ACSS1: variants seen among roughly 807,000 people sequenced by gnomAD.
The protein encoded by ACSS1 is acyl-CoA synthetase short chain family member 1, also known as acetyl-coenzyme A synthetase 2-like, mitochondrial.
Under a neutral mutation model 75.3 loss-of-function variants are expected in ACSS1, and 42 were observed. That is an observed-to-expected ratio of 0.56 (90% CI 0.44 to 0.72). The LOEUF is 0.72. ACSS1 is among the 30% of genes least tolerant of loss of function. The probability of loss-of-function intolerance (pLI) is 0.00; values close to 1 mark genes in which losing one functional copy is unlikely to be tolerated. For missense variants in ACSS1, 782 were observed against 935.7 expected, an observed-to-expected ratio of 0.84 and a Z score of 2.14; for synonymous variants, 380 against 376.8, an observed-to-expected ratio of 1.01 and a Z score of -0.10.
In ACSS1 at chr20:25,007,499, T is replaced by C; in HGVS notation, c.*263A>G. On this transcript the variant is annotated 3_prime_UTR_variant, in exon 14 of 14. Transcript: ENST00000323482. ...CAGAGGAATGGAGATGGCAATGCCT[T>C]TTCATTCCAGGAAACCAAACTCAGA... 7.7e-7 allele frequency: 1 copy of C among 1,306,516 alleles called. No homozygotes were observed. Among genetic ancestry groups the C allele is most frequent in the Non-Finnish European group, 9.8e-7 (1 of 1,025,470 alleles). The allele number at this position is 1,306,516 out of a possible 1,614,324, so 80.9% of individuals were successfully genotyped here. A position where few individuals can be genotyped will look rare whatever the true frequency, so the allele number is the denominator to read the frequency against.
intron 7 of ACSS1, among the ~76,000 whole-genome samples, chr20:25,015,527 C>A (rs947541240): frequency 6.6e-6 from 1 of 152,186 alleles, no homozygotes; most frequent in South Asian, 2.1e-4. Context: ...GAACTCCTGA[C>A]CTCAGGTGAT....
chr20:25,021,624 C>G, intron 5 of ACSS1, 88 bp from the exon 6 acceptor site: 1 of 1,530,168 alleles, frequency 6.5e-7, no homozygotes. Flanking sequence ...CATGCATAGG[C>G]TGCAGTCCAT....
chr20:25,040,498 C>T (rs1401922971), intron 2 of ACSS1, among the ~76,000 whole-genome samples: 1 of 152,250 alleles, frequency 6.6e-6, no homozygotes, highest in Non-Finnish European at 1.5e-5. Context: ...TTCCTTGCCT[C>T]TTGGCAGCAG....
At chr20:25,032,571 G>T in intron 2 of ACSS1, 1 of 1,246,580 alleles carries the variant, frequency 8.0e-7, no homozygotes, top group Non-Finnish European at 1.0e-6. Context: ...TTTCTCTCTG[G>T]GCGGGGCAGA....
rs45574242 is a variant in ACSS1 at position 25,046,951 on chromosome 20, G to A, written c.431+1134C>T. The A allele has an allele frequency of 3.9e-3, 3,068 of 778,714 alleles. 61 individuals are homozygous for A. In the African/African-American group the frequency reaches 0.042, roughly 11 times the overall value. The allele number at this position is 778,714 out of a possible 1,614,324, so 48.2% of individuals were successfully genotyped here. On this transcript the variant is annotated intron_variant, in intron 2 of 13. Coordinates refer to ENST00000323482, the MANE Select transcript of ACSS1 (RefSeq NM_032501.4). ...ACGGGTCAGCAAAGGAGCCCTGGCCGAGGCTGGTGGAGCTGTGATGGGCCT... is the reference window on the plus strand; with the variant it reads ...ACGGGTCAGCAAAGGAGCCCTGGCCAAGGCTGGTGGAGCTGTGATGGGCCT...
chr20:25,032,135 C>G (rs1037068873), intron 2 of ACSS1, among the ~76,000 whole-genome samples: 1 of 152,202 alleles, frequency 6.6e-6, no homozygotes, highest in African/African-American at 2.4e-5. Flanking sequence ...GTGAGCAGCA[C>G]CCCCGCCCAG....
Position 25,020,037 on chromosome 20 carries a change from G to T in ACSS1, c.1219C>A (p.Arg407Ser). 1.9e-6 allele frequency: 3 copies of T among 1,614,194 alleles called. No individual in the cohort carries two copies. Among genetic ancestry groups the T allele is most frequent in the Non-Finnish European group, 2.5e-6 (3 of 1,180,034 alleles). The part of the protein sequence containing the change: ...YGDAWVKKYD[R>S]SSLRTLGSVG... The stretch of plus-strand genomic sequence containing the variant: ...GACCCCAGGGTCCGCAGGGAGGAGC[G>T]ATCATACTTCTTCACCCAGGCATCA... The change falls in exon 7 of 14, where the codon CGC becomes AGC. Residue 407 changes from arginine to serine, a missense_variant. Transcript: ENST00000323482.
chr20:25,020,548 C>A (rs1025450036), intron 6 of ACSS1, among the ~76,000 whole-genome samples: 3 of 152,252 alleles, frequency 2.0e-5, no homozygotes, highest in Non-Finnish European at 2.9e-5. Context: ...GCTGCCACTG[C>A]GTGTGTCCCA....
At chr20:25,015,286 A>G in intron 7 of ACSS1, 56 bp from the exon 8 acceptor site, 4 of 1,463,412 alleles carry the variant, frequency 2.7e-6, no homozygotes, top group Non-Finnish European at 3.8e-6. Flanking sequence ...ACCTGAAACC[A>G]AAGGGAAGTT....
chr20:25,042,494 G>A (rs1019671755), intron 2 of ACSS1, among the ~76,000 whole-genome samples: 1 of 152,108 alleles, frequency 6.6e-6, no homozygotes, highest in Non-Finnish European at 1.5e-5. Flanking sequence ...TGCCTTCCAC[G>A]ACAGCCGCTG....
At chr20:25,017,442 TC>T (rs898628127) in intron 7 of ACSS1, among the ~76,000 whole-genome samples, 4 of 152,258 alleles carry the variant, frequency 2.6e-5, no homozygotes, top group African/African-American at 9.6e-5. Context: ...CCAGCACTGC[TC>T]CGAGGTGCTG....
chr20:25,040,116 T>C (rs1229440093), intron 2 of ACSS1, among the ~76,000 whole-genome samples: 1 of 152,176 alleles, frequency 6.6e-6, no homozygotes, highest in Non-Finnish European at 1.5e-5. Context: ...GGTGTAGGTT[T>C]TAACATTCTG....
intron 2 of ACSS1, among the ~76,000 whole-genome samples, chr20:25,042,857 G>A (rs1373706059): frequency 2.0e-5 from 3 of 152,108 alleles, no homozygotes; most frequent in Non-Finnish European, 4.4e-5. Flanking sequence ...CAGCTGAAAC[G>A]GACCCTCATC....
intron 1 of ACSS1, among the ~76,000 whole-genome samples, chr20:25,051,799 C>G (rs1310603209): frequency 6.6e-6 from 1 of 152,220 alleles, no homozygotes; most frequent in African/African-American, 2.4e-5. Flanking sequence ...CCCTGTCCAG[C>G]CACTCACTAA....
Position 25,013,647 on chromosome 20 carries a change from C to G in ACSS1, c.1468G>C (p.Gly490Arg), listed in dbSNP as rs1339915010. ...CACAGGGCCCCGGAGACGTTGCTGC[C>G]CTCCACGACGCTGCCCTGTAGACCC... ...LMDEKGSVVE[G>R]SNVSGALCIS... The change falls in exon 10 of 14, where the codon GGC becomes CGC. Residue 490 changes from glycine to arginine, a missense_variant. Physicochemically the swap from Gly to Arg is moderately radical, Grantham distance 125 (BLOSUM62 -2). Transcript: ENST00000323482. 2 of 1,604,788 alleles carry G rather than the reference C, an allele frequency of 1.2e-6. No homozygotes were observed. Among genetic ancestry groups the G allele is most frequent in the Non-Finnish European group, 8.5e-7 (1 of 1,175,122 alleles).
Position 25,007,276 on chromosome 20 carries a change from T to C in ACSS1, c.*486A>G. 1.8e-6 allele frequency: 2 copies of C among 1,124,944 alleles called. No homozygotes were observed. The highest frequency in any genetic ancestry group is 2.2e-6 in the Non-Finnish European group (2 of 916,638). 69.7% of individuals were successfully genotyped at this position (1,124,944 alleles called of 1,614,324 possible). A position where few individuals can be genotyped will look rare whatever the true frequency, so the allele number is the denominator to read the frequency against. Reference sequence around the variant, plus strand: ...TCATAACTACATGTTAAAAAGAACATGTTCAAGTAAATCCACACACTACAT... The same window carrying C: ...TCATAACTACATGTTAAAAAGAACACGTTCAAGTAAATCCACACACTACAT... On this transcript the variant is annotated 3_prime_UTR_variant, in exon 14 of 14. Coordinates refer to ENST00000323482, the MANE Select transcript of ACSS1 (RefSeq NM_032501.4).
chr20:25,013,744 G>A (rs1329916522), intron 9 of ACSS1, 82 bp from the exon 10 acceptor site: 1 of 1,521,618 alleles, frequency 6.6e-7, no homozygotes, highest in East Asian at 2.3e-5. Context: ...CTGCCCTCAA[G>A]GGAGCTGTCC....
intron 2 of ACSS1, 112 bp from the exon 3 acceptor site, chr20:25,031,070 C>A: frequency 9.1e-7 from 1 of 1,094,942 alleles, no homozygotes; most frequent in South Asian, 1.3e-5. Context: ...CAGCCCAGTG[C>A]CAGGAAAACA....
At chr20:25,032,498 T>C (rs2088844165) in intron 2 of ACSS1, 2 of 1,272,384 alleles carry the variant, frequency 1.6e-6, no homozygotes, top group South Asian at 2.8e-5. Flanking sequence ...GTACTGACTT[T>C]AATTAATTAT....
Sources: allele counts gnomAD v4.1 joint callset (sites outside exome capture counted in the v4.1 genomes callset), GRCh38; gene constraint gnomAD v4.1.1; transcripts MANE v1.5; gene names NCBI Gene and HGNC (gene_info 2026-07-23, HGNC 2026-07-21).